Variants in SHISA9 observed in about 807,000 individuals in gnomAD.
SHISA9 encodes shisa family member 9.
Under a neutral mutation model 38.0 loss-of-function variants are expected in SHISA9, and 13 were observed. The ratio of observed to expected loss-of-function variants is 0.34; its 90% CI spans 0.22 to 0.54. SHISA9 has a LOEUF of 0.54. Ranked by LOEUF, SHISA9 falls within the 20% of genes least tolerant of loss-of-function variation. The pLI is 0.91. For missense variants in SHISA9, 538 were observed against 575.8 expected (o/e 0.93, Z 0.67); for synonymous variants, 275 against 242.0 (o/e 1.14, Z -1.27).
the SHISA9 span, among the ~76,000 whole-genome samples, chr16:13,329,746 C>T: frequency 3.9e-3 from 587 of 152,288 alleles, 2 homozygotes; most frequent in African/African-American, 0.013. Flanking sequence ...TCCTAGCCCA[C>T]CCCTAGCCAA....
At chr16:13,029,286 A>G (rs1033796595) in intron 2 of SHISA9, among the ~76,000 whole-genome samples, 4 of 152,206 alleles carry the variant, frequency 2.6e-5, no homozygotes, top group African/African-American at 9.6e-5. Flanking sequence ...ACACATACAC[A>G]ATGGAGTACT....
chr16:13,465,648 G>A, the SHISA9 span, among the ~76,000 whole-genome samples: 1 of 152,210 alleles, frequency 6.6e-6, no homozygotes, highest in Non-Finnish European at 1.5e-5. Flanking sequence ...AATCTCCACA[G>A]AGCCTCAGAA....
chr16:13,559,282 G>A, the SHISA9 span, among the ~76,000 whole-genome samples: 1 of 152,118 alleles, frequency 6.6e-6, no homozygotes, highest in Admixed American at 6.5e-5. Context: ...TTGTAGATGG[G>A]AAGCTAAAGC....
chr16:13,278,128 G>C, the SHISA9 span, among the ~76,000 whole-genome samples: 1 of 152,044 alleles, frequency 6.6e-6, no homozygotes, highest in African/African-American at 2.4e-5. Context: ...GTCATAAAGT[G>C]ATGCTGGATT....
At chr16:13,075,684 C>G (rs1464967218) in intron 2 of SHISA9, among the ~76,000 whole-genome samples, 1 of 152,150 alleles carries the variant, frequency 6.6e-6, no homozygotes, top group African/African-American at 2.4e-5. Context: ...ATTATCATAG[C>G]TAAGCTTCGT....
the SHISA9 span, among the ~76,000 whole-genome samples, chr16:13,442,429 T>C: frequency 3.3e-5 from 5 of 152,244 alleles, no homozygotes; most frequent in South Asian, 1.0e-3. Context: ...TGCCTCAGCC[T>C]CCCAAGTAGC....
In SHISA9 at chr16:13,239,270, T is replaced by C. The variant is rs1807749583; in HGVS notation, c.*3861T>C. 1 of 151,930 alleles carries C rather than the reference T, an allele frequency of 6.6e-6. No homozygotes were observed. Among genetic ancestry groups the C allele is most frequent in the Non-Finnish European group, 1.5e-5 (1 of 68,010 alleles). The allele number at this position is 151,930 out of a possible 1,614,324, so 9.4% of individuals were successfully genotyped here. ...TTTTGGGTTGGTTCCAAGTCTTTGC[T>C]ATTGTGAATAGTGCCGCAATAAACA... On this transcript the variant is annotated 3_prime_UTR_variant, in exon 5 of 5. Transcript: ENST00000558583.
intron 2 of SHISA9, among the ~76,000 whole-genome samples, chr16:12,945,133 C>A (rs572552787): frequency 6.6e-6 from 1 of 152,106 alleles, no homozygotes; most frequent in East Asian, 1.9e-4. Context: ...GTGAGAACCA[C>A]GTGTGTTTTT....
the SHISA9 span, among the ~76,000 whole-genome samples, chr16:13,545,687 C>T: frequency 6.6e-6 from 1 of 152,170 alleles, no homozygotes; most frequent in Non-Finnish European, 1.5e-5. Flanking sequence ...AAAGATGAAT[C>T]TTCTCTCACG....
At chr16:13,001,514 C>T (rs1051122666) in intron 2 of SHISA9, among the ~76,000 whole-genome samples, 2 of 152,154 alleles carry the variant, frequency 1.3e-5, no homozygotes, top group Admixed American at 6.5e-5. Flanking sequence ...AATTGCAATG[C>T]CCCAAACTAA....
chr16:13,084,545 T>A (rs2073689527), intron 2 of SHISA9, among the ~76,000 whole-genome samples: 1 of 152,022 alleles, frequency 6.6e-6, no homozygotes, highest in Non-Finnish European at 1.5e-5. Context: ...GTGGTGGGGG[T>A]GTAGCACTGC....
the SHISA9 span, among the ~76,000 whole-genome samples, chr16:13,479,954 T>A: frequency 6.6e-6 from 1 of 152,232 alleles, no homozygotes. Flanking sequence ...CGGACTGACC[T>A]GAATTCACGT....
At chr16:13,282,623 A>G in the SHISA9 span, among the ~76,000 whole-genome samples, 5 of 152,028 alleles carry the variant, frequency 3.3e-5, no homozygotes, top group Non-Finnish European at 5.9e-5. Context: ...CTTCAACTAC[A>G]TGTATGTCAG....
intron 2 of SHISA9, among the ~76,000 whole-genome samples, chr16:13,110,891 G>A (rs979620487): frequency 5.3e-5 from 8 of 152,192 alleles, no homozygotes; most frequent in Non-Finnish European, 1.2e-4. Context: ...TCATGGGCCT[G>A]AAGGTATTAA....
the SHISA9 span, among the ~76,000 whole-genome samples, chr16:13,504,672 A>G: frequency 2.0e-5 from 3 of 152,196 alleles, no homozygotes; most frequent in South Asian, 6.2e-4. Flanking sequence ...TTCACAACAA[A>G]TGAACCACTA....
the SHISA9 span, among the ~76,000 whole-genome samples, chr16:13,247,391 C>T: frequency 1.3e-5 from 2 of 152,076 alleles, no homozygotes; most frequent in South Asian, 2.1e-4. Context: ...CTCTCAGTAA[C>T]CTTGAAAGGG....
At chr16:13,241,530 C>T (rs1254102925), downstream of SHISA9, among the ~76,000 whole-genome samples, 1 of 151,974 alleles carries the variant, frequency 6.6e-6, no homozygotes, top group Non-Finnish European at 1.5e-5. Context: ...AAGAAAAATC[C>T]CTAGGCACAG....
At chr16:13,023,874 T>C (rs2072888391) in intron 2 of SHISA9, among the ~76,000 whole-genome samples, 1 of 152,204 alleles carries the variant, frequency 6.6e-6, no homozygotes, top group Admixed American at 6.5e-5. Flanking sequence ...GACATGGTCA[T>C]ATCTTTCAGA....
chr16:13,123,432 C>T (rs1362079150), intron 2 of SHISA9, among the ~76,000 whole-genome samples: 1 of 152,180 alleles, frequency 6.6e-6, no homozygotes, highest in East Asian at 1.9e-4. Context: ...TTAATGGTGC[C>T]TGTTAAGGAT....
Sources: allele counts gnomAD v4.1 joint callset (sites outside exome capture counted in the v4.1 genomes callset), GRCh38; gene constraint gnomAD v4.1.1; transcripts MANE v1.5; gene names NCBI Gene and HGNC (gene_info 2026-07-23, HGNC 2026-07-21).